NLGN1: variants seen among roughly 807,000 people sequenced by gnomAD.
NLGN1 encodes neuroligin-1.
A neutral mutation model predicts 65.5 loss-of-function variants in NLGN1; 12 were observed. That is an observed-to-expected ratio of 0.18 (90% CI 0.12 to 0.30). The LOEUF (loss-of-function observed/expected upper bound fraction) is 0.30. NLGN1 is among the 10% of genes least tolerant of loss of function. The pLI, the probability that NLGN1 is intolerant of heterozygous loss-of-function variation, is 1.00. For missense variants in NLGN1, 750 were observed against 1,007.1 expected (o/e 0.74, Z 3.46); for synonymous variants, 350 against 359.5 (o/e 0.97, Z 0.30).
At chr3:173,518,922 C>T (rs564813929) in intron 2 of NLGN1, among the ~76,000 whole-genome samples, 1 of 152,276 alleles carries the variant, frequency 6.6e-6, no homozygotes, top group East Asian at 1.9e-4. Context: ...AGCAGCCCCT[C>T]TTTACAGGCC....
At chr3:173,747,292 T>C (rs1161327398) in intron 3 of NLGN1, among the ~76,000 whole-genome samples, 2 of 145,572 alleles carry the variant, frequency 1.4e-5, no homozygotes, top group African/African-American at 5.0e-5. Context: ...TATTTAAATA[T>C]ATCTTATGTA....
chr3:173,717,984 G>C lies in NLGN1; in HGVS notation c.494-89696G>C, dbSNP rs532488052. Among the ~76,000 whole-genome samples the C allele has an allele frequency of 2.6e-5, 4 of 152,176 alleles. No individual in the cohort carries two copies. In the East Asian group the frequency reaches 5.8e-4, roughly 22 times the overall value. Reference sequence around the variant, plus strand: ...CATTTTCAAACATTTGAGAATGTTAGAACTTCACTCTACATATTTTTTAGT... The same window carrying C: ...CATTTTCAAACATTTGAGAATGTTACAACTTCACTCTACATATTTTTTAGT... On this transcript the variant is annotated intron_variant, in intron 3 of 6. Coordinates refer to ENST00000457714, the Ensembl canonical transcript of NLGN1.
chr3:173,446,865 T>C (rs1006801453), intron 2 of NLGN1, among the ~76,000 whole-genome samples: 1 of 152,270 alleles, frequency 6.6e-6, no homozygotes, highest in Non-Finnish European at 1.5e-5. Context: ...ATGTCTTCTT[T>C]TGCGAAGTGT....
intron 3 of NLGN1, among the ~76,000 whole-genome samples, chr3:173,681,195 A>G (rs1423222091): frequency 1.3e-5 from 2 of 152,214 alleles, no homozygotes; most frequent in Non-Finnish European, 2.9e-5. Flanking sequence ...GTTGTTTTAT[A>G]TTCAGAGTAC....
chr3:174,263,068 G>A (rs1464188164), intron 4 of NLGN1, among the ~76,000 whole-genome samples: 2 of 142,060 alleles, frequency 1.4e-5, no homozygotes, highest in African/African-American at 5.3e-5. Flanking sequence ...TATAATGTCT[G>A]TTCTTTTACA....
chr3:173,504,987 T>G (rs1370505579), intron 2 of NLGN1, among the ~76,000 whole-genome samples: 1 of 152,016 alleles, frequency 6.6e-6, no homozygotes, highest in Non-Finnish European at 1.5e-5. Context: ...TTCAGTTGAC[T>G]CTCTCATGGA....
chr3:173,579,860 G>A (rs772780542), intron 2 of NLGN1, among the ~76,000 whole-genome samples: 1 of 152,110 alleles, frequency 6.6e-6, no homozygotes, highest in Non-Finnish European at 1.5e-5. Context: ...TCTGAAGATG[G>A]TAGAGGATTT....
intron 3 of NLGN1, among the ~76,000 whole-genome samples, chr3:173,758,759 G>A (rs1237702389): frequency 6.6e-6 from 1 of 151,896 alleles, no homozygotes; most frequent in Non-Finnish European, 1.5e-5. Context: ...TAAAAAAATA[G>A]CTAAGCAGTT....
intron 3 of NLGN1, among the ~76,000 whole-genome samples, chr3:173,803,938 CA>C (rs546878261): frequency 1.4e-3 from 212 of 151,586 alleles, no homozygotes; most frequent in African/African-American, 4.8e-3. Flanking sequence ...TCCTTTAAGA[CA>C]AAAAAAATCA....
At chr3:173,685,527 C>G (rs1019492144) in intron 3 of NLGN1, 10 of 385,182 alleles carry the variant, frequency 2.6e-5, no homozygotes, top group Non-Finnish European at 3.2e-5. Context: ...ACTGTTGTAC[C>G]TCAGCCCCTG....
chr3:174,261,537 T>C (rs1251746242), intron 4 of NLGN1, among the ~76,000 whole-genome samples: 15 of 145,076 alleles, frequency 1.0e-4, no homozygotes, highest in Non-Finnish European at 1.7e-4. Context: ...ATTGATTTTG[T>C]ATCCTGAGAC....
At chr3:174,273,092 A>ATTTAG (rs1749789769) in intron 4 of NLGN1, among the ~76,000 whole-genome samples, 2 of 151,586 alleles carry the variant, frequency 1.3e-5, no homozygotes, top group African/African-American at 4.8e-5. Context: ...TGGGGATACA[A>ATTTAG]TTTAGTTAAT....
chr3:174,262,043 C>T (rs1747031168), intron 4 of NLGN1, among the ~76,000 whole-genome samples: 1 of 134,844 alleles, frequency 7.4e-6, no homozygotes, highest in Non-Finnish European at 1.6e-5. Flanking sequence ...CCCACTTGAT[C>T]ATGGTGGATA....
chr3:173,789,295 C>CT (rs1379766199), intron 3 of NLGN1, among the ~76,000 whole-genome samples: 2 of 152,080 alleles, frequency 1.3e-5, no homozygotes, highest in Admixed American at 6.6e-5. Context: ...TGTGCATGCA[C>CT]TTTTTTCCTG....
rs1278293551 is a variant in NLGN1 at position 173,841,059 on chromosome 3, CT to C, written c.646+33232del. 2.6e-5 allele frequency among the ~76,000 whole-genome samples: 4 copies of C among 152,234 alleles called. No individual in the cohort carries two copies. In the East Asian group the frequency reaches 7.7e-4, roughly 29 times the overall value. ...CTAACTTTGTAATGATTATTCCCCA[CT>C]TTTTCTCAGTGTCTAAGTAATCCTA... On this transcript the variant is annotated intron_variant, in intron 4 of 6. Transcript: ENST00000457714.
At chr3:173,884,136 T>C (rs1443458076) in intron 4 of NLGN1, among the ~76,000 whole-genome samples, 2 of 152,122 alleles carry the variant, frequency 1.3e-5, no homozygotes, top group African/African-American at 2.4e-5. Flanking sequence ...CCCAAAATTT[T>C]TGTTTGCAAT....
chr3:173,423,103 G>A (rs892414237), intron 1 of NLGN1, among the ~76,000 whole-genome samples: 11 of 152,114 alleles, frequency 7.2e-5, no homozygotes, highest in African/African-American at 2.2e-4. Context: ...GAGAGAGAGA[G>A]ATTGAGGAAG....
intron 3 of NLGN1, among the ~76,000 whole-genome samples, chr3:173,701,065 C>T (rs936907979): frequency 1.3e-5 from 2 of 152,042 alleles, no homozygotes; most frequent in Non-Finnish European, 2.9e-5. Flanking sequence ...GTGGAGCTTG[C>T]AGTAAGCTGA....
intron 4 of NLGN1, among the ~76,000 whole-genome samples, chr3:174,026,753 TCTGCA>T (rs1360307092): frequency 6.6e-6 from 1 of 152,190 alleles, no homozygotes; most frequent in Non-Finnish European, 1.5e-5. Context: ...AGCCTAATTC[TCTGCA>T]CTTGAGGTCC....
Sources: allele counts gnomAD v4.1 joint callset (sites outside exome capture counted in the v4.1 genomes callset), GRCh38; gene constraint gnomAD v4.1.1; transcripts MANE v1.5; gene names NCBI Gene and HGNC (gene_info 2026-07-23, HGNC 2026-07-21).